Variants in ERCC6L2 observed in about 807,000 individuals in gnomAD.
ERCC6L2 encodes the protein DNA excision repair protein ERCC-6-like 2.
In ERCC6L2, 77 loss-of-function variants were observed where a neutral mutation model predicts 132.0. That is an observed-to-expected ratio of 0.58 (90% CI 0.49 to 0.71). The LOEUF (loss-of-function observed/expected upper bound fraction) is 0.71, where lower values mean the gene tolerates loss of function less well. Among genes scored for constraint, ERCC6L2 ranks in the 30% least tolerant of loss-of-function variants. The probability of loss-of-function intolerance (pLI) is 0.00; values close to 1 mark genes in which losing one functional copy is unlikely to be tolerated. For missense variants in ERCC6L2, 1,542 were observed against 1,837.6 expected (o/e 0.84, Z 2.94); for synonymous variants, 583 against 632.4 (o/e 0.92, Z 1.17).
At chr9:96,005,869 G>A (rs970518412) in intron 18 of ERCC6L2, among the ~76,000 whole-genome samples, 5 of 152,220 alleles carry the variant, frequency 3.3e-5, no homozygotes, top group African/African-American at 1.2e-4. Context: ...GTTTGTACCA[G>A]AGTGGTTGCC....
In ERCC6L2 at chr9:96,012,401, C is replaced by T; in HGVS notation, c.3851C>T (p.Ser1284Phe). The T allele has an allele frequency of 7.3e-7, 1 of 1,360,926 alleles. No individual in the cohort carries two copies. The highest frequency in any genetic ancestry group is 9.8e-7 in the Non-Finnish European group (1 of 1,016,642). 84.3% of individuals were successfully genotyped at this position (1,360,926 alleles called of 1,614,324 possible). A position where few individuals can be genotyped will look rare whatever the true frequency, so the allele number is the denominator to read the frequency against. The part of the protein sequence containing the change: ...FVDSVSQFNN[S>F]SFEKGEQRTR... The stretch of plus-strand genomic sequence containing the variant: ...GATTCTGTGTCACAATTCAACAATT[C>T]TTCCTTTGAGAAAGGAGAGCAGCGC... The change falls in exon 19 of 19, where the codon TCT (serine) becomes TTT (phenylalanine). Residue 1284 changes from serine to phenylalanine, a missense_variant. Ser to Phe is a radical substitution (Grantham distance 155). This residue lies in a region of ERCC6L2 where 442 missense variants were observed against 583.4 expected (regional missense o/e 0.76). Coordinates refer to ENST00000653738, the MANE Select transcript of ERCC6L2 (RefSeq NM_020207.7).
chr9:95,996,457 A>G (rs981689482), intron 17 of ERCC6L2, among the ~76,000 whole-genome samples: 4 of 152,262 alleles, frequency 2.6e-5, no homozygotes, highest in Non-Finnish European at 5.9e-5. Flanking sequence ...ACACTAAACA[A>G]TAGATTTTCA....
intron 19 of ERCC6L2, among the ~76,000 whole-genome samples, chr9:96,027,172 ACACACAC>A (rs531868703): frequency 0.14 from 20,651 of 149,634 alleles, 1,515 homozygotes; most frequent in Middle Eastern, 0.24. Context: ...CACCACACAC[ACACACAC>A]CACACACCAC....
At chr9:95,956,570 A>G (rs1434245712) in intron 13 of ERCC6L2, among the ~76,000 whole-genome samples, 2 of 152,202 alleles carry the variant, frequency 1.3e-5, no homozygotes, top group African/African-American at 4.8e-5. Context: ...ATTGACTCAC[A>G]GTTTCACATG....
intron 2 of ERCC6L2, among the ~76,000 whole-genome samples, chr9:95,888,157 T>TG: frequency 6.6e-6 from 1 of 152,152 alleles, no homozygotes; most frequent in Non-Finnish European, 1.5e-5. Flanking sequence ...CCCAGGAAGT[T>TG]GAAAAATAAG....
intron 14 of ERCC6L2, chr9:95,967,626 G>A (rs551437742): frequency 6.6e-6 from 1 of 152,078 alleles, no homozygotes; most frequent in African/African-American, 2.4e-5. Context: ...GGAGAGGAAG[G>A]TATATATTAT....
rs144295616 is a variant in ERCC6L2, at chr9:96,023,895, A to G, written c.*1504-14981A>G. ...AGGATTGCAGTAACCAGGGGCTCAG[A>G]AAGCTGAGATATCCCTCCAGTGAAA... On this transcript the variant is annotated intron_variant and NMD_transcript_variant, in intron 19 of 20. Transcript: ENST00000670016. 1.1e-3 allele frequency among the ~76,000 whole-genome samples: 175 copies of G among 152,354 alleles called. 1 individual carries two copies. Among genetic ancestry groups the G allele is most frequent in the South Asian group, 7.9e-3 (38 of 4,824 alleles).
intron 3 of ERCC6L2, among the ~76,000 whole-genome samples, chr9:95,900,453 T>C (rs530448469): frequency 6.6e-6 from 1 of 152,284 alleles, no homozygotes; most frequent in East Asian, 1.9e-4. Flanking sequence ...ATGTAGTTTT[T>C]TCGTTAGTCT....
chr9:95,947,798 C>A (rs1220131885), intron 12 of ERCC6L2, among the ~76,000 whole-genome samples: 1 of 152,082 alleles, frequency 6.6e-6, no homozygotes, highest in African/African-American at 2.4e-5. Context: ...TAAAATGGAA[C>A]AACAAAGCCT....
intron 6 of ERCC6L2, among the ~76,000 whole-genome samples, chr9:95,917,040 G>A (rs1358420743): frequency 1.1e-4 from 17 of 152,098 alleles, no homozygotes; most frequent in Admixed American, 1.1e-3. Context: ...GCTTCTCTCT[G>A]CAGTGTGTTT....
At chr9:95,920,781 T>C (rs1033427375) in intron 6 of ERCC6L2, among the ~76,000 whole-genome samples, 3 of 152,136 alleles carry the variant, frequency 2.0e-5, no homozygotes, top group South Asian at 4.1e-4. Flanking sequence ...ATAGCAATTT[T>C]CACTATTTTT....
intron 2 of ERCC6L2, among the ~76,000 whole-genome samples, chr9:95,888,089 C>T (rs185646011): frequency 6.3e-4 from 92 of 144,940 alleles, no homozygotes; most frequent in African/African-American, 1.9e-3. Flanking sequence ...TTTTTCAAAG[C>T]GAGCAAAAAT....
At position 95,916,360 on chromosome 9, in the gene ERCC6L2, A is replaced by G. The variant is rs1275553476; in HGVS notation, c.1084A>G (p.Lys362Glu). The G allele has an allele frequency of 3.7e-6, 6 of 1,610,702 alleles. No individual in the cohort carries two copies. Among genetic ancestry groups the G allele is most frequent in the East Asian group, 4.5e-5 (2 of 44,862 alleles). ...CCGAAAGGCCATGCAAAGACTTGCC[A>G]AAAAGATGTCTGGCTGGTTTCTCAG... ...TGRKAMQRLA[K>E]KMSGWFLRRT... The change falls in exon 6 of 19, where the codon AAA becomes GAA. Residue 362 changes from lysine (K) to glutamate (E), a missense_variant. Around this residue, in one of 4 missense-constraint regions of ERCC6L2, gnomAD observed 945 missense variants for 1,105.2 expected, o/e 0.86. Coordinates refer to ENST00000653738, the MANE Select transcript of ERCC6L2 (RefSeq NM_020207.7).
intron 10 of ERCC6L2, 194 bp downstream of exon 10, chr9:95,928,344 A>G (rs1164952439): frequency 2.2e-6 from 1 of 454,246 alleles, no homozygotes; most frequent in Non-Finnish European, 3.9e-6. Flanking sequence ...TAAATATCAA[A>G]CTCAAAGATA....
chr9:95,974,557 A>G (rs1007669812), intron 16 of ERCC6L2, among the ~76,000 whole-genome samples: 1 of 152,152 alleles, frequency 6.6e-6, no homozygotes, highest in Non-Finnish European at 1.5e-5. Context: ...GGTTCCAGGA[A>G]CACCTCATAC....
At chr9:95,915,134 C>T (rs893881336) in intron 4 of ERCC6L2, among the ~76,000 whole-genome samples, 2 of 152,158 alleles carry the variant, frequency 1.3e-5, no homozygotes, top group African/African-American at 4.8e-5. Flanking sequence ...GTGTTTCCCC[C>T]AACATATGCC....
At chr9:95,977,873 A>G (rs922127091) in intron 16 of ERCC6L2, among the ~76,000 whole-genome samples, 188 bp from the exon 17 acceptor site, 2 of 152,146 alleles carry the variant, frequency 1.3e-5, no homozygotes, top group Non-Finnish European at 2.9e-5. Flanking sequence ...CATTGATGAG[A>G]AGGAAAAGTC....
At chr9:96,022,630 C>G (rs1204042463), downstream of ERCC6L2, among the ~76,000 whole-genome samples, 1 of 152,144 alleles carries the variant, frequency 6.6e-6, no homozygotes, top group African/African-American at 2.4e-5. Flanking sequence ...GCAGCGCCAG[C>G]CGGGTCCGGG....
intron 12 of ERCC6L2, among the ~76,000 whole-genome samples, chr9:95,945,253 C>T (rs1831003848): frequency 6.6e-6 from 1 of 152,184 alleles, no homozygotes; most frequent in South Asian, 2.1e-4. Context: ...ATATTTCTCC[C>T]ATTTGCTTTT....
Sources: gnomAD v4.1 joint callset for allele counts (sites outside exome capture counted in the v4.1 genomes callset) on GRCh38, gnomAD v4.1.1 for gene constraint, gnomAD v4.1.1 regional missense constraint, MANE v1.5 for transcripts, NCBI Gene and HGNC (gene_info 2026-07-23, HGNC 2026-07-21) for gene names.